DNAH5: variants seen among roughly 807,000 people sequenced by gnomAD.
The protein encoded by DNAH5 is dynein axonemal heavy chain 5, also known as axonemal beta dynein heavy chain 5.
In DNAH5, 372 loss-of-function variants were observed where a neutral mutation model predicts 518.2. The observed-to-expected ratio is 0.72, with a 90% CI of 0.66 to 0.78. DNAH5 has a LOEUF of 0.78. Among genes scored for constraint, DNAH5 ranks in the 30% least tolerant of loss-of-function variants. The pLI, the probability that DNAH5 is intolerant of heterozygous loss-of-function variation, is 0.00. For missense variants in DNAH5, 5,523 were observed against 5,687.0 expected (o/e 0.97, Z 0.93); for synonymous variants, 2,039 against 2,025.9 (o/e 1.01, Z -0.17).
chr5:13,802,713 G>A (rs997986948), intron 47 of DNAH5, among the ~76,000 whole-genome samples: 1 of 152,130 alleles, frequency 6.6e-6, no homozygotes, highest in African/African-American at 2.4e-5. Flanking sequence ...CAACATTCAC[G>A]CAATCATCTT....
chr5:13,829,760 C>T, intron 37 of DNAH5, 56 bp from the exon 38 acceptor site: 1 of 1,518,082 alleles, frequency 6.6e-7, no homozygotes, highest in Non-Finnish European at 9.1e-7. Flanking sequence ...ACATCAGCAT[C>T]ATATTAAAAG....
At position 13,735,308 on chromosome 5, in the gene DNAH5, G is replaced by C; in HGVS notation, c.11584C>G (p.Pro3862Ala). Residue 3862 changes from proline to alanine, a missense_variant, in exon 68 of 79, where the codon CCG (proline) becomes GCG (alanine). Physicochemically the swap from Pro to Ala is conservative, Grantham distance 27. This residue lies in a region of DNAH5 where 5,121 missense variants were observed against 5,223.3 expected (regional missense o/e 0.98). Coordinates refer to ENST00000265104, the MANE Select transcript of DNAH5 (RefSeq NM_001369.3). ...TTAGCAATCCTCTTGCTTGTAATCG[G>C]GCTCTTGACAGACCTGGTGAATAGA... Reference protein sequence around the residue: ...DLSLARSVKSPITSKRIANII... With the variant: ...DLSLARSVKSAITSKRIANII... 2 of 1,613,916 alleles carry C rather than the reference G, an allele frequency of 1.2e-6. No homozygotes were observed. The highest frequency in any genetic ancestry group is 2.2e-5 in the South Asian group (2 of 91,056).
At chr5:13,893,048 C>A (rs892593615) in intron 16 of DNAH5, among the ~76,000 whole-genome samples, 29 of 152,292 alleles carry the variant, frequency 1.9e-4, no homozygotes, top group African/African-American at 6.7e-4. Flanking sequence ...TCCCCTCCAA[C>A]CCAGTACTTC....
At chr5:13,774,985 T>A (rs574639046) in intron 55 of DNAH5, among the ~76,000 whole-genome samples, 14 of 152,314 alleles carry the variant, frequency 9.2e-5, no homozygotes, top group Middle Eastern at 3.4e-3. Context: ...TAATAAACTT[T>A]AACATAGCTC....
At chr5:13,810,978 G>A (rs1032859246) in intron 44 of DNAH5, among the ~76,000 whole-genome samples, 6 of 152,112 alleles carry the variant, frequency 3.9e-5, no homozygotes, top group African/African-American at 1.4e-4. Context: ...TAAGCCAGAC[G>A]CAGAAAGACA....
intron 41 of DNAH5, 136 bp from the exon 42 acceptor site, chr5:13,817,830 T>C: frequency 2.7e-6 from 2 of 745,748 alleles, no homozygotes; most frequent in Non-Finnish European, 4.4e-6. Flanking sequence ...TGAAAATATG[T>C]CTTACTGCAT....
At position 13,691,891 on chromosome 5, in the gene DNAH5, A is replaced by G. The variant is rs1282907667; in HGVS notation, c.*93T>C. ...GCTCATTAATTGCATAAACGACCTA[A>G]CATACACTGTCCAGCAGTCATACAG... On this transcript the variant is annotated 3_prime_UTR_variant, in exon 79 of 79. Coordinates refer to ENST00000265104, the MANE Select transcript of DNAH5 (RefSeq NM_001369.3). 6.6e-6 allele frequency: 10 copies of G among 1,522,060 alleles called. No individual in the cohort carries two copies. In the African/African-American group the frequency reaches 6.9e-5, roughly 10 times the overall value. The allele number at this position is 1,522,060 out of a possible 1,614,324, so 94.3% of individuals were successfully genotyped here.
intron 38 of DNAH5, among the ~76,000 whole-genome samples, chr5:13,827,792 G>A (rs369757796): frequency 2.0e-4 from 31 of 152,136 alleles, no homozygotes; most frequent in African/African-American, 7.5e-4. Flanking sequence ...CCAGTGGAAG[G>A]TAATTTAATC....
intron 34 of DNAH5, among the ~76,000 whole-genome samples, chr5:13,840,588 T>C (rs1346929226): frequency 1.3e-5 from 2 of 152,182 alleles, no homozygotes; most frequent in Non-Finnish European, 2.9e-5. Flanking sequence ...GATCTTCAAT[T>C]AATAGGTAAA....
chr5:13,968,073 T>G (rs532905422), intron 1 of DNAH5, among the ~76,000 whole-genome samples: 2 of 152,158 alleles, frequency 1.3e-5, no homozygotes, highest in Non-Finnish European at 2.9e-5. Flanking sequence ...TTTCATTTTT[T>G]GTTGTTGTTG....
chr5:13,938,261 T>C (rs116236622), intron 1 of DNAH5, among the ~76,000 whole-genome samples: 4,968 of 152,208 alleles, frequency 0.033, 115 homozygotes, highest in African/African-American at 0.06. Flanking sequence ...CCCCCTGCTA[T>C]ACCATCAGAT....
chr5:13,875,111 C>A (rs764113190), intron 22 of DNAH5, among the ~76,000 whole-genome samples: 1 of 152,182 alleles, frequency 6.6e-6, no homozygotes, highest in South Asian at 2.1e-4. Flanking sequence ...ACCTTTTCTA[C>A]TATTTTAAGG....
chr5:13,742,762 C>T (rs2126649414), intron 65 of DNAH5, among the ~76,000 whole-genome samples: 1 of 152,028 alleles, frequency 6.6e-6, no homozygotes, highest in African/African-American at 2.4e-5. Flanking sequence ...AAGTACATTT[C>T]CCCAAAGTTT....
intron 35 of DNAH5, among the ~76,000 whole-genome samples, chr5:13,832,840 A>G (rs577895083): frequency 1.3e-5 from 2 of 152,330 alleles, no homozygotes; most frequent in Admixed American, 6.5e-5. Flanking sequence ...CCAAATGAAA[A>G]GCAACCAACC....
intron 69 of DNAH5, among the ~76,000 whole-genome samples, chr5:13,728,042 T>C (rs10513151): frequency 0.28 from 42,756 of 152,162 alleles, 6,344 homozygotes; most frequent in Middle Eastern, 0.38. Flanking sequence ...CATTCACTTA[T>C]GTTTCCTCAT....
At chr5:13,777,076 T>TA (rs1362430316) in intron 54 of DNAH5, 126 bp downstream of exon 54, 60 of 911,610 alleles carry the variant, frequency 6.6e-5, no homozygotes, top group Middle Eastern at 6.2e-4. Flanking sequence ...CCATCCTTCA[T>TA]ACTGATCACT....
chr5:13,712,332 AG>A (rs1240549823), intron 75 of DNAH5, among the ~76,000 whole-genome samples: 2 of 152,252 alleles, frequency 1.3e-5, no homozygotes, highest in Non-Finnish European at 2.9e-5. Context: ...AGATGGATTA[AG>A]GACTTAAATC....
intron 16 of DNAH5, among the ~76,000 whole-genome samples, chr5:13,893,804 TA>T (rs1272846590): frequency 1.3e-5 from 2 of 151,260 alleles, no homozygotes; most frequent in Non-Finnish European, 2.9e-5. Flanking sequence ...AGTAGCCTTC[TA>T]GGGGCAAGAC....
At chr5:13,906,583 G>A (rs1251653550) in intron 12 of DNAH5, among the ~76,000 whole-genome samples, 2 of 152,054 alleles carry the variant, frequency 1.3e-5, no homozygotes, top group Non-Finnish European at 2.9e-5. Context: ...CTACGAACTA[G>A]GCCACGGAGG....
Sources: gnomAD v4.1 joint callset for allele counts (sites outside exome capture counted in the v4.1 genomes callset) on GRCh38, gnomAD v4.1.1 for gene constraint, gnomAD v4.1.1 regional missense constraint, MANE v1.5 for transcripts, NCBI Gene and HGNC (gene_info 2026-07-23, HGNC 2026-07-21) for gene names.